Variants in ACOT7 observed in about 807,000 individuals in gnomAD.
ACOT7 encodes the protein cytosolic acyl coenzyme A thioester hydrolase.
Under a neutral mutation model 40.2 loss-of-function variants are expected in ACOT7, and 12 were observed. That is an observed-to-expected ratio of 0.30 (90% confidence interval 0.19 to 0.48). ACOT7 has a LOEUF of 0.48. ACOT7 is among the 20% of genes least tolerant of loss of function. The pLI, the probability that ACOT7 is intolerant of heterozygous loss-of-function variation, is 0.99. For synonymous variants in ACOT7, 228 were observed against 219.5 expected (o/e 1.04, Z -0.34); for missense variants, 395 against 530.8 (o/e 0.74, Z 2.51).
Position 6,327,428 on chromosome 1 carries a change from A to C in ACOT7, c.511-15T>G. Reference sequence around the variant, plus strand: ...TGCCGGGAATACTGCGAGAAACCAAAGACAGGTCAGGCCCAGGCAGGACAC... The same window carrying C: ...TGCCGGGAATACTGCGAGAAACCAACGACAGGTCAGGCCCAGGCAGGACAC... On this transcript the variant is annotated splice_polypyrimidine_tract_variant and intron_variant, in intron 4 of 8. Transcript: ENST00000361521. The C allele has an allele frequency of 6.2e-7, 1 of 1,613,714 alleles. No individual in the cohort carries two copies. Among genetic ancestry groups the C allele is most frequent in the African/African-American group, 1.3e-5 (1 of 75,046 alleles).
At chr1:6,298,591 C>T (rs1639878239) in intron 6 of ACOT7, among the ~76,000 whole-genome samples, 1 of 152,220 alleles carries the variant, frequency 6.6e-6, no homozygotes, top group Non-Finnish European at 1.5e-5. Flanking sequence ...TTTTCTCCCC[C>T]AGGCAAATAA....
At chr1:6,307,098 G>T (rs1406522987) in intron 6 of ACOT7, among the ~76,000 whole-genome samples, 1 of 152,214 alleles carries the variant, frequency 6.6e-6, no homozygotes, top group East Asian at 1.9e-4. Flanking sequence ...ACACCTGCAT[G>T]GATGTTTGTC....
At chr1:6,372,554 C>CT (rs563026803) in intron 1 of ACOT7, among the ~76,000 whole-genome samples, 11,812 of 128,458 alleles carry the variant, frequency 0.092, 853 homozygotes, top group African/African-American at 0.18. Flanking sequence ...TAACTTTTGG[C>CT]TTTTTTTTTT....
At position 6,349,516 on chromosome 1, in the gene ACOT7, G is replaced by C. The variant is rs538558071; in HGVS notation, c.261+233C>G. Among the ~76,000 whole-genome samples the C allele has an allele frequency of 3.3e-5, 5 of 152,352 alleles. No homozygotes were observed. The East Asian group carries it at 7.7e-4, about 24-fold the overall frequency. On this transcript the variant is annotated intron_variant, in intron 2 of 8. Transcript: ENST00000361521. ...GGAGTGGTGGAGGGAGGGCCTGTCA[G>C]CTTGCTTGACGCTTCATCTCTGGTG...
At chr1:6,368,397 C>A (rs1298748819) in intron 1 of ACOT7, among the ~76,000 whole-genome samples, 1 of 152,164 alleles carries the variant, frequency 6.6e-6, no homozygotes, top group African/African-American at 2.4e-5. Context: ...GCTCCCACTT[C>A]CCGCCCCAGG....
At chr1:6,360,415 C>T (rs543218308) in intron 1 of ACOT7, among the ~76,000 whole-genome samples, 2 of 152,348 alleles carry the variant, frequency 1.3e-5, no homozygotes, top group African/African-American at 4.8e-5. Context: ...CCCTGGCTGC[C>T]CATCTCGGCC....
intron 6 of ACOT7, among the ~76,000 whole-genome samples, chr1:6,315,810 G>T (rs1483212923): frequency 7.0e-6 from 1 of 142,374 alleles, no homozygotes; most frequent in East Asian, 2.1e-4. Context: ...AAAATTATTA[G>T]ATTTTTTTAC....
chr1:6,267,480 CCTGCCTGT>C (rs1638886643), intron 8 of ACOT7, among the ~76,000 whole-genome samples: 1 of 152,206 alleles, frequency 6.6e-6, no homozygotes, highest in Non-Finnish European at 1.5e-5. Flanking sequence ...TGCCTGCCTG[CCTGCCTGT>C]CTGTGTCTGC....
At chr1:6,356,154 G>C (rs1022752075) in intron 1 of ACOT7, among the ~76,000 whole-genome samples, 2 of 152,232 alleles carry the variant, frequency 1.3e-5, no homozygotes, top group African/African-American at 4.8e-5. Flanking sequence ...TATAGGAACA[G>C]GGAAGTCTCG....
chr1:6,302,282 C>T (rs57638247), intron 6 of ACOT7, among the ~76,000 whole-genome samples: 2,930 of 152,228 alleles, frequency 0.019, 88 homozygotes, highest in African/African-American at 0.068. Context: ...TTGTCCACTT[C>T]AGGTCATCTG....
rs1474822082 is a variant in ACOT7 at position 6,278,661 on chromosome 1, A to G, written c.1014+2441T>C. Among the ~76,000 whole-genome samples, 1 of 152,240 alleles carries G rather than the reference A, an allele frequency of 6.6e-6. No individual in the cohort carries two copies. Among genetic ancestry groups the G allele is most frequent in the African/African-American group, 2.4e-5 (1 of 41,456 alleles). On this transcript the variant is annotated intron_variant, in intron 8 of 8. Coordinates refer to ENST00000361521, the MANE Select transcript of ACOT7 (RefSeq NM_007274.4). This position sits in a 1 kb window ranked among gnomAD's most constrained non-coding sequence, Gnocchi z 4.1. ...CAATTTGGGAGTCAATACAACACAC[A>G]GGCGATGCTCGAGGCACAGACCATG...
rs935226199 is a variant in ACOT7, at chr1:6,294,190, G to A, written c.829+674C>T. 6.6e-6 allele frequency among the ~76,000 whole-genome samples: 1 copy of A among 152,348 alleles called. No individual in the cohort carries two copies. The highest frequency in any genetic ancestry group is 2.1e-4 in the South Asian group (1 of 4,826). On this transcript the variant is annotated intron_variant, in intron 7 of 8. Transcript: ENST00000361521. This position sits in a 1 kb window ranked among gnomAD's most constrained non-coding sequence, Gnocchi z 4.6. ...GGTGCACGGCCTCATCTCAGCAGAC[G>A]TCACACTGACAAAAATCACCACGTG...
chr1:6,264,432 A>G lies in ACOT7; in HGVS notation c.*165T>C. On this transcript the variant is annotated 3_prime_UTR_variant, in exon 9 of 9. Transcript: ENST00000361521. ...TGATATAAATAAAGCTTTGGTGTGT[A>G]GGTTTGCAGGAGAGAGTACAGGTTA... is the stretch of plus-strand genomic sequence containing the variant. 1.6e-6 allele frequency: 1 copy of G among 617,490 alleles called. No homozygotes were observed. Among genetic ancestry groups the G allele is most frequent in the Non-Finnish European group, 2.8e-6 (1 of 352,594 alleles). 38.3% of individuals were successfully genotyped at this position (617,490 alleles called of 1,614,324 possible). A position where few individuals can be genotyped will look rare whatever the true frequency, so the allele number is the denominator to read the frequency against.
intron 1 of ACOT7, among the ~76,000 whole-genome samples, chr1:6,376,841 C>A (rs545830546): frequency 1.3e-5 from 2 of 151,340 alleles, no homozygotes; most frequent in African/African-American, 4.9e-5. Flanking sequence ...GCGAACATGG[C>A]GACAGAGTGA....
At chr1:6,360,707 C>G (rs1469084407) in intron 1 of ACOT7, 25 of 1,613,296 alleles carry the variant, frequency 1.5e-5, no homozygotes, top group Non-Finnish European at 2.0e-5. Flanking sequence ...AAATGGAACT[C>G]AAGGAATGAG....
At chr1:6,302,919 T>C (rs1166795423) in intron 6 of ACOT7, among the ~76,000 whole-genome samples, 2 of 152,154 alleles carry the variant, frequency 1.3e-5, no homozygotes, top group Non-Finnish European at 2.9e-5. Context: ...AATCAATGTG[T>C]TAACTGAGAA....
At chr1:6,305,406 C>T (rs1434968360) in intron 6 of ACOT7, among the ~76,000 whole-genome samples, 14 of 146,786 alleles carry the variant, frequency 9.5e-5, no homozygotes, top group Non-Finnish European at 1.5e-4. Flanking sequence ...CCAGACGGGG[C>T]GGCTGACCCC....
Position 6,393,560 on chromosome 1 carries a change from G to C in ACOT7, c.-161C>G, listed in dbSNP as rs917315446. Reference sequence around the variant, plus strand: ...AAGGCTGCAGAGAGCTCGCGCGGGCGTACGATTCTGGCGGCGTGGGGGCCC... The same window carrying C: ...AAGGCTGCAGAGAGCTCGCGCGGGCCTACGATTCTGGCGGCGTGGGGGCCC... On this transcript the variant is annotated 5_prime_UTR_variant, in exon 1 of 9. Transcript: ENST00000361521. The C allele has an allele frequency of 1.7e-6, 1 of 594,810 alleles. No homozygotes were observed. Among genetic ancestry groups the C allele is most frequent in the Non-Finnish European group, 2.4e-6 (1 of 419,936 alleles). The allele number at this position is 594,810 out of a possible 1,614,324, so 36.8% of individuals were successfully genotyped here.
chr1:6,385,671 C>A (rs377549870), intron 1 of ACOT7: 1 of 1,610,746 alleles, frequency 6.2e-7, no homozygotes, highest in African/African-American at 1.3e-5. Context: ...CTTCATCCTG[C>A]GGTAAGTGGG....
Sources: gnomAD v4.1 joint callset for allele counts (sites outside exome capture counted in the v4.1 genomes callset) on GRCh38, gnomAD v4.1.1 for gene constraint, Gnocchi (gnomAD v3.1) non-coding constraint, MANE v1.5 for transcripts, NCBI Gene and HGNC (gene_info 2026-07-23, HGNC 2026-07-21) for gene names.